MAST4: variants seen among roughly 807,000 people sequenced by gnomAD.
The protein encoded by MAST4 is microtubule-associated serine/threonine-protein kinase 4.
Under a neutral mutation model 162.7 loss-of-function variants are expected in MAST4, and 89 were observed. The observed-to-expected ratio is 0.55, with a 90% CI of 0.46 to 0.65. The LOEUF is 0.65. Ranked by LOEUF, MAST4 falls within the 30% of genes least tolerant of loss-of-function variation. The probability of loss-of-function intolerance (pLI) is 0.00; values close to 1 mark genes in which losing one functional copy is unlikely to be tolerated. For synonymous variants in MAST4, 1,479 were observed against 1,361.1 expected (o/e 1.09, Z -1.91); for missense variants, 3,153 against 3,374.0 (o/e 0.93, Z 1.62).
intron 1 of MAST4, among the ~76,000 whole-genome samples, chr5:66,673,523 G>GT (rs1208217801): frequency 0.049 from 6,317 of 129,416 alleles, 221 homozygotes; most frequent in South Asian, 0.075. Flanking sequence ...TTTGTTTTTT[G>GT]TTTTTTGTTT....
rs146213875 is a variant in MAST4 at position 67,044,881 on chromosome 5, G to A, written c.675-9523G>A. On this transcript the variant is annotated intron_variant, in intron 4 of 28. Transcript: ENST00000403625. ...CTCTTTTAATTAGACGGATGATCCC[G>A]TTGCAGTTTTATTCAGAATGATATG... is the stretch of plus-strand genomic sequence containing the variant. 6.7e-3 allele frequency among the ~76,000 whole-genome samples: 1,019 copies of A among 152,208 alleles called. 5 individuals are homozygous for A. The highest frequency in any genetic ancestry group is 0.027 in the Middle Eastern group (8 of 294).
At chr5:66,948,643 G>A (rs1374521515) in intron 4 of MAST4, among the ~76,000 whole-genome samples, 1 of 152,202 alleles carries the variant, frequency 6.6e-6, no homozygotes, top group South Asian at 2.1e-4. Context: ...GTGTCCACTG[G>A]TGCGGCTGGA....
At chr5:66,672,689 C>T (rs1050063354) in intron 1 of MAST4, among the ~76,000 whole-genome samples, 1 of 152,130 alleles carries the variant, frequency 6.6e-6, no homozygotes, top group African/African-American at 2.4e-5. Flanking sequence ...TAACCACTTT[C>T]TCATTGATGG....
At chr5:66,986,723 T>C (rs1275021982) in intron 4 of MAST4, among the ~76,000 whole-genome samples, 1 of 151,744 alleles carries the variant, frequency 6.6e-6, no homozygotes, top group Non-Finnish European at 1.5e-5. Context: ...TGGGTTCAGT[T>C]GATCCTCCCA....
intron 5 of MAST4, among the ~76,000 whole-genome samples, chr5:67,062,592 ATAGACAT>A (rs1759761319): frequency 6.6e-6 from 1 of 152,210 alleles, no homozygotes; most frequent in Non-Finnish European, 1.5e-5. Flanking sequence ...CTTTAGCTGC[ATAGACAT>A]GATAGTACAA....
intron 1 of MAST4, among the ~76,000 whole-genome samples, chr5:66,706,135 C>T (rs990085802): frequency 5.3e-5 from 8 of 152,106 alleles, no homozygotes; most frequent in African/African-American, 1.7e-4. Flanking sequence ...AATCTAGCCC[C>T]GCCCCCCAGA....
At chr5:66,782,021 C>T (rs953345423) in intron 2 of MAST4, among the ~76,000 whole-genome samples, 2 of 152,078 alleles carry the variant, frequency 1.3e-5, no homozygotes, top group Non-Finnish European at 2.9e-5. Context: ...CACAGTGGCT[C>T]ACACCTGTAA....
At chr5:66,912,637 G>T (rs1309902375) in intron 4 of MAST4, among the ~76,000 whole-genome samples, 1 of 152,128 alleles carries the variant, frequency 6.6e-6, no homozygotes, top group African/African-American at 2.4e-5. Context: ...GAATTTGATA[G>T]AATCATGGGG....
chr5:67,133,870 G>T (rs1244045896), intron 17 of MAST4, among the ~76,000 whole-genome samples: 1 of 152,240 alleles, frequency 6.6e-6, no homozygotes, highest in East Asian at 1.9e-4. Context: ...TGGTCTATTA[G>T]CAAGACGAAT....
Position 67,013,226 on chromosome 5 carries a change from C to CTT in MAST4, c.675-41175_675-41174dup, listed in dbSNP as rs1752897831. Among the ~76,000 whole-genome samples the CTT allele has an allele frequency of 5.9e-5, 9 of 152,270 alleles. No individual in the cohort carries two copies. The South Asian group carries it at 1.7e-3, about 28-fold the overall frequency. ...TTTTATTCTGAAGTTCTTGAATAAG[C>CTT]TTTTAGCTGTTCAAAGTAAGTACCA... On this transcript the variant is annotated intron_variant, in intron 4 of 28. Transcript: ENST00000403625.
chr5:66,820,875 G>T (rs574984918), intron 3 of MAST4, among the ~76,000 whole-genome samples: 1 of 152,086 alleles, frequency 6.6e-6, no homozygotes, highest in Admixed American at 6.5e-5. Context: ...TAATATGCCA[G>T]AAATAATAAG....
intron 1 of MAST4, among the ~76,000 whole-genome samples, chr5:66,718,377 G>A (rs1329449089): frequency 6.6e-6 from 1 of 151,866 alleles, no homozygotes; most frequent in African/African-American, 2.4e-5. Flanking sequence ...TGGCATTTTT[G>A]TATGGTGAAG....
intron 4 of MAST4, among the ~76,000 whole-genome samples, chr5:66,964,558 T>G (rs1172030200): frequency 6.6e-6 from 1 of 152,116 alleles, no homozygotes; most frequent in Non-Finnish European, 1.5e-5. Flanking sequence ...TCCCAGCACT[T>G]TGGGAGGTCG....
chr5:66,777,206 G>T (rs1158203450), intron 2 of MAST4, among the ~76,000 whole-genome samples: 1 of 152,188 alleles, frequency 6.6e-6, no homozygotes, highest in East Asian at 1.9e-4. Flanking sequence ...CTGTTGGATG[G>T]AACAAGAACC....
chr5:66,628,391 T>A (rs1468398056), intron 1 of MAST4, among the ~76,000 whole-genome samples: 1 of 151,004 alleles, frequency 6.6e-6, no homozygotes, highest in African/African-American at 2.4e-5. Flanking sequence ...AAGGTCATTG[T>A]GAGTAGATCA....
intron 3 of MAST4, among the ~76,000 whole-genome samples, chr5:66,792,836 G>A (rs1355129230): frequency 6.6e-6 from 1 of 152,158 alleles, no homozygotes; most frequent in Non-Finnish European, 1.5e-5. Flanking sequence ...TATATATTTT[G>A]ATTCATTGAC....
rs1458994911 is a variant in MAST4 at position 66,687,654 on chromosome 5, A to AG, written c.364-72055_364-72054insG. Among the ~76,000 whole-genome samples the AG allele has an allele frequency of 8.3e-3, 1,255 of 151,424 alleles. 17 individuals carry two copies. Among genetic ancestry groups the AG allele is most frequent in the African/African-American group, 0.028 (1,155 of 41,226 alleles). On this transcript the variant is annotated intron_variant, in intron 1 of 28. Transcript: ENST00000403625. Reference sequence around the variant, plus strand: ...TGTGTGTTTATCTATCTATCTATCTATCTATCTATCTATCTATCTATCTAT... The same window carrying AG: ...TGTGTGTTTATCTATCTATCTATCTAGTCTATCTATCTATCTATCTATCTAT...
At chr5:66,625,007 C>T (rs1406692904) in intron 1 of MAST4, among the ~76,000 whole-genome samples, 4 of 151,752 alleles carry the variant, frequency 2.6e-5, no homozygotes, top group Non-Finnish European at 5.9e-5. Context: ...AAAGCTTCGT[C>T]GTAGCAAAGG....
At chr5:67,032,473 A>G (rs932703831) in intron 4 of MAST4, among the ~76,000 whole-genome samples, 1 of 152,202 alleles carries the variant, frequency 6.6e-6, no homozygotes, top group African/African-American at 2.4e-5. Context: ...GGTCACAGAA[A>G]GAACAAGATA....
Sources: allele counts gnomAD v4.1 joint callset (sites outside exome capture counted in the v4.1 genomes callset), GRCh38; gene constraint gnomAD v4.1.1; transcripts MANE v1.5; gene names NCBI Gene and HGNC (gene_info 2026-07-23, HGNC 2026-07-21).